RALA: variants seen among roughly 807,000 people sequenced by gnomAD.
RALA encodes the protein ras-related protein Ral-A.
In RALA, 5 loss-of-function variants were observed where a neutral mutation model predicts 24.0. That is an observed-to-expected ratio of 0.21 (90% CI 0.11 to 0.44). RALA has a LOEUF of 0.44. Among genes scored for constraint, RALA ranks in the 20% least tolerant of loss-of-function variants. The pLI, the probability that RALA is intolerant of heterozygous loss-of-function variation, is 0.99. For missense variants in RALA, 95 were observed against 241.2 expected, an observed-to-expected ratio of 0.39 and a Z score of 4.01; for synonymous variants, 77 against 83.8, an observed-to-expected ratio of 0.92 and a Z score of 0.44.
chr7:39,697,403 T>C, intron 4 of RALA: 1 of 456,732 alleles, frequency 2.2e-6, no homozygotes, highest in South Asian at 1.5e-5. Flanking sequence ...TCTCGCTTTG[T>C]TCAGAGTGGC....
At chr7:39,674,641 T>G (rs1792447332) in intron 1 of RALA, among the ~76,000 whole-genome samples, 1 of 152,262 alleles carries the variant, frequency 6.6e-6, no homozygotes. Context: ...TAGTACAGAT[T>G]GAGTATCCTT....
intron 1 of RALA, among the ~76,000 whole-genome samples, chr7:39,625,993 T>G (rs553959021): frequency 6.6e-6 from 1 of 152,338 alleles, no homozygotes; most frequent in African/African-American, 2.4e-5. Context: ...GGACAATTAC[T>G]TTTAAAATAC....
rs1167668429 is a variant in RALA, at chr7:39,681,145, A to T, written c.-37-5486A>T. On this transcript the variant is annotated intron_variant, in intron 1 of 4. Coordinates refer to ENST00000005257, the MANE Select transcript of RALA (RefSeq NM_005402.4). The stretch of plus-strand genomic sequence containing the variant: ...TTTATGCCTCTTTTGGATGATTGTT[A>T]TGCAGACATCCCCTAATAACATTTA... Among the ~76,000 whole-genome samples the T allele has an allele frequency of 4.6e-5, 7 of 152,000 alleles. 1 individual carries two copies. Among genetic ancestry groups the T allele is most frequent in the Admixed American group, 4.6e-4 (7 of 15,250 alleles).
chr7:39,704,195 C>G (rs75462375), intron 4 of RALA, among the ~76,000 whole-genome samples: 2,176 of 147,080 alleles, frequency 0.015, 38 homozygotes, highest in African/African-American at 0.049. Flanking sequence ...TAAGATTTGT[C>G]TTTGTTTTGT....
intron 1 of RALA, among the ~76,000 whole-genome samples, chr7:39,684,419 G>A (rs910223486): frequency 1.2e-4 from 18 of 152,052 alleles, no homozygotes; most frequent in African/African-American, 4.3e-4. Context: ...AGGATTATGG[G>A]GGATTTTTCT....
At chr7:39,696,958 G>A (rs1379889210) in intron 4 of RALA, 99 bp downstream of exon 4, 11 of 1,162,782 alleles carry the variant, frequency 9.5e-6, no homozygotes, top group African/African-American at 1.6e-5. Context: ...CTTTCAAATA[G>A]AGGTTTAATC....
At chr7:39,702,520 G>A (rs576957765) in intron 4 of RALA, among the ~76,000 whole-genome samples, 1 of 152,218 alleles carries the variant, frequency 6.6e-6, no homozygotes, top group South Asian at 2.1e-4. Context: ...AGTATTCCAT[G>A]GTTAGACTTT....
chr7:39,635,239 C>T (rs190223128), intron 1 of RALA, among the ~76,000 whole-genome samples: 15 of 152,090 alleles, frequency 9.9e-5, no homozygotes, highest in African/African-American at 3.4e-4. Context: ...AGCATGGTGG[C>T]GCGTGCCTGT....
chr7:39,694,042 G>A (rs1792875551), intron 3 of RALA, among the ~76,000 whole-genome samples: 1 of 152,216 alleles, frequency 6.6e-6, no homozygotes, highest in African/African-American at 2.4e-5. Context: ...TCATACTCAT[G>A]CAGCACTTAC....
intron 1 of RALA, among the ~76,000 whole-genome samples, chr7:39,658,348 C>T (rs1792130276): frequency 6.6e-6 from 1 of 152,086 alleles, no homozygotes; most frequent in African/African-American, 2.4e-5. Context: ...ATCAATACTT[C>T]GAACAACTAG....
intron 1 of RALA, among the ~76,000 whole-genome samples, chr7:39,643,496 G>C (rs1013633051): frequency 6.6e-6 from 1 of 152,148 alleles, no homozygotes; most frequent in East Asian, 1.9e-4. Flanking sequence ...TGAGGCAGGC[G>C]GATCACTTGA....
chr7:39,690,996 G>T (rs1011481290), intron 3 of RALA, among the ~76,000 whole-genome samples: 1 of 152,132 alleles, frequency 6.6e-6, no homozygotes, highest in Non-Finnish European at 1.5e-5. Flanking sequence ...TGCTCAGTAG[G>T]CACGTTGCCA....
rs1050885506 is a variant in RALA at position 39,628,404 on chromosome 7, C to T, written c.-38+4579C>T. On this transcript the variant is annotated intron_variant, in intron 1 of 4. Coordinates refer to ENST00000005257, the MANE Select transcript of RALA (RefSeq NM_005402.4). Reference sequence around the variant, plus strand: ...ACACACACACACACACACACACACACACACACACATTCTTTCTCTCTCTTA... The same window carrying T: ...ACACACACACACACACACACACACATACACACACATTCTTTCTCTCTCTTA... Among the ~76,000 whole-genome samples the T allele has an allele frequency of 1.5e-3, 224 of 150,252 alleles. 1 individual carries two copies. The highest frequency in any genetic ancestry group is 4.1e-3 in the Admixed American group (62 of 15,174).
Position 39,624,766 on chromosome 7 carries a change from G to C in RALA, c.-38+941G>C, listed in dbSNP as rs143628475. On this transcript the variant is annotated intron_variant, in intron 1 of 4. Transcript: ENST00000005257. ...CTAATTTACAAATTGTGTGGTGTGG[G>C]GGGGGAACAACCTTTATAAAACATG... Among the ~76,000 whole-genome samples the C allele has an allele frequency of 2.7e-4, 41 of 152,266 alleles. No individual in the cohort carries two copies. In the East Asian group the frequency reaches 7.7e-3, roughly 29 times the overall value.
intron 1 of RALA, among the ~76,000 whole-genome samples, chr7:39,639,168 G>A (rs925345245): frequency 2.0e-5 from 3 of 152,222 alleles, no homozygotes; most frequent in Admixed American, 6.5e-5. Flanking sequence ...CATATTTCTG[G>A]TCACAAAAAC....
At chr7:39,625,989 T>C (rs978899654) in intron 1 of RALA, among the ~76,000 whole-genome samples, 1 of 152,212 alleles carries the variant, frequency 6.6e-6, no homozygotes, top group African/African-American at 2.4e-5. Context: ...GCAAGGACAA[T>C]TACTTTTAAA....
intron 1 of RALA, among the ~76,000 whole-genome samples, chr7:39,628,816 A>T (rs1450310749): frequency 6.6e-6 from 1 of 152,176 alleles, no homozygotes; most frequent in African/African-American, 2.4e-5. Flanking sequence ...CAGCCTCCCA[A>T]AGTGCTGGGA....
chr7:39,627,450 A>G (rs183071114), intron 1 of RALA, among the ~76,000 whole-genome samples: 63 of 152,336 alleles, frequency 4.1e-4, no homozygotes, highest in African/African-American at 1.1e-3. Context: ...ACTGACATAC[A>G]TAGTCTCCTT....
chr7:39,689,598 G>A lies in RALA; in HGVS notation c.115-784G>A, dbSNP rs188788844. Among the ~76,000 whole-genome samples the A allele has an allele frequency of 3.3e-4, 50 of 152,308 alleles. No individual in the cohort carries two copies. In the East Asian group the frequency reaches 9.5e-3, roughly 29 times the overall value. On this transcript the variant is annotated intron_variant, in intron 2 of 4. Coordinates refer to ENST00000005257, the MANE Select transcript of RALA (RefSeq NM_005402.4). ...ATAAAAAACCCACAAATGTCTGTGT[G>A]TAAATGAATACATGCTAACAATGAT...
Sources: gnomAD v4.1 joint callset for allele counts (sites outside exome capture counted in the v4.1 genomes callset) on GRCh38, gnomAD v4.1.1 for gene constraint, MANE v1.5 for transcripts, NCBI Gene and HGNC (gene_info 2026-07-23, HGNC 2026-07-21) for gene names.